MYT1L: variants seen among roughly 807,000 people sequenced by gnomAD.
MYT1L encodes the protein myelin transcription factor 1 like.
In MYT1L, 12 loss-of-function variants were observed where a neutral mutation model predicts 126.7. The observed-to-expected ratio is 0.09, with a 90% CI of 0.06 to 0.15. The LOEUF (loss-of-function observed/expected upper bound fraction) is 0.15, where lower values mean the gene tolerates loss of function less well. Among genes scored for constraint, MYT1L ranks in the 10% least tolerant of loss-of-function variants. MYT1L has a pLI of 1.00. For missense variants in MYT1L, 979 were observed against 1,585.2 expected (o/e 0.62, Z 6.49); for synonymous variants, 541 against 604.2 (o/e 0.90, Z 1.53).
chr2:1,811,367 A>ATCAGCTCTG lies in MYT1L; in HGVS notation c.3081-2201_3081-2200insCAGAGCTGA, dbSNP rs1558624180. The ATCAGCTCTG allele has an allele frequency of 1.7e-3, 108 of 62,880 alleles. No homozygotes were observed. Among genetic ancestry groups the ATCAGCTCTG allele is most frequent in the African/African-American group, 6.1e-3 (103 of 16,766 alleles). 3.9% of individuals were successfully genotyped at this position (62,880 alleles called of 1,614,324 possible). A position where few individuals can be genotyped will look rare whatever the true frequency, so the allele number is the denominator to read the frequency against. On this transcript the variant is annotated intron_variant, in intron 21 of 24. Coordinates refer to ENST00000647738, the MANE Select transcript of MYT1L (RefSeq NM_001303052.2). This position sits in a 1 kb window ranked among gnomAD's most constrained non-coding sequence, Gnocchi z 4.4. Reference sequence around the variant, plus strand: ...CTTTAACCCCAGCGTCATCAGCTCCAGCATCATCAGCTCTGGCGTCATCAG... The same window carrying ATCAGCTCTG: ...CTTTAACCCCAGCGTCATCAGCTCCATCAGCTCTGGCATCATCAGCTCTGGCGTCATCAG...
chr2:2,245,218 G>A (rs1047058297), intron 2 of MYT1L, among the ~76,000 whole-genome samples: 10 of 152,080 alleles, frequency 6.6e-5, no homozygotes, highest in African/African-American at 1.9e-4. Context: ...AGTATGGGTC[G>A]GAATTATGGT....
At chr2:2,002,573 C>T (rs887461722) in intron 4 of MYT1L, among the ~76,000 whole-genome samples, 5 of 152,290 alleles carry the variant, frequency 3.3e-5, no homozygotes, top group Non-Finnish European at 7.4e-5. Flanking sequence ...GTGGACCAAG[C>T]ATTATACTAA....
At chr2:2,247,676 A>T (rs993077977) in intron 2 of MYT1L, among the ~76,000 whole-genome samples, 1 of 152,232 alleles carries the variant, frequency 6.6e-6, no homozygotes, top group Non-Finnish European at 1.5e-5. Flanking sequence ...AATATCAAGC[A>T]TCTTCTCTGA....
chr2:2,165,260 C>A (rs1241363592), intron 3 of MYT1L, among the ~76,000 whole-genome samples: 1 of 151,966 alleles, frequency 6.6e-6, no homozygotes, highest in African/African-American at 2.4e-5. Context: ...ATATTAGACA[C>A]CAAGTACGGG....
chr2:1,892,446 C>A (rs2049016789), intron 14 of MYT1L, among the ~76,000 whole-genome samples, 159 bp from the exon 15 acceptor site: 1 of 151,982 alleles, frequency 6.6e-6, no homozygotes, highest in African/African-American at 2.4e-5. Context: ...AAACAACAGG[C>A]AAACGAAAAC....
In MYT1L at chr2:1,892,074, T is replaced by A; in HGVS notation, c.2246A>T (p.Asn749Ile). The A allele has an allele frequency of 6.5e-7, 1 of 1,541,008 alleles. No individual in the cohort carries two copies. The highest frequency in any genetic ancestry group is 8.7e-7 in the Non-Finnish European group (1 of 1,146,044). ...CAGGTCCTGCGGCTTGGTGCTCAGG[T>A]TCTGCGGCATCTCGCGGCAGCGCGT... ...LSTRCREMPQ[N>I]LSTKPQDLCA... Residue 749 changes from asparagine to isoleucine, a missense_variant, in exon 15 of 25, where the codon AAC becomes ATC. By Grantham distance (149) the Asn-to-Ile change is moderately radical. Around this residue, in one of 12 missense-constraint regions of MYT1L, gnomAD observed 28 missense variants for 66.6 expected, o/e 0.42. Transcript: ENST00000647738.
At chr2:2,122,056 G>C (rs1056172319) in intron 3 of MYT1L, among the ~76,000 whole-genome samples, 1 of 152,198 alleles carries the variant, frequency 6.6e-6, no homozygotes, top group Non-Finnish European at 1.5e-5. Context: ...CAGCAGGGCG[G>C]CACCGTCATC....
rs1292839122 is a variant in MYT1L at position 2,331,156 on chromosome 2, C to T, written c.-710G>A. 6.6e-6 allele frequency: 1 copy of T among 151,844 alleles called. No individual in the cohort carries two copies. Among genetic ancestry groups the T allele is most frequent in the Non-Finnish European group, 1.5e-5 (1 of 67,968 alleles). The allele number at this position is 151,844 out of a possible 1,614,324, so 9.4% of individuals were successfully genotyped here. A position where few individuals can be genotyped will look rare whatever the true frequency, so the allele number is the denominator to read the frequency against. On this transcript the variant is annotated 5_prime_UTR_variant, in exon 1 of 25. Transcript: ENST00000647738. ...CTTCAGTGAGTATGGATATCATAAC[C>T]CATAGTCCAGGGAATGAAAAAATTA...
intron 14 of MYT1L, among the ~76,000 whole-genome samples, chr2:1,902,388 C>T (rs1051949956): frequency 2.0e-5 from 3 of 152,226 alleles, no homozygotes; most frequent in Admixed American, 1.3e-4. Context: ...GCCGGCAGCA[C>T]CCCAGGCTGG....
chr2:1,984,072 G>A (rs2060819121), intron 5 of MYT1L, among the ~76,000 whole-genome samples: 2 of 152,186 alleles, frequency 1.3e-5, no homozygotes, highest in African/African-American at 2.4e-5. Context: ...GATTCATGAA[G>A]AGAGAGCAGG....
At chr2:1,870,718 A>G (rs1336451794) in intron 18 of MYT1L, among the ~76,000 whole-genome samples, 1 of 152,230 alleles carries the variant, frequency 6.6e-6, no homozygotes, top group Non-Finnish European at 1.5e-5. Context: ...GTCAGAGCCT[A>G]TGGCACACTG....
chr2:2,000,722 G>C (rs2062283426), intron 4 of MYT1L, among the ~76,000 whole-genome samples: 1 of 152,144 alleles, frequency 6.6e-6, no homozygotes, highest in Non-Finnish European at 1.5e-5. Flanking sequence ...TGTGGACACA[G>C]AGCCCCAGGC....
At chr2:2,074,022 A>G (rs1350171214) in intron 3 of MYT1L, among the ~76,000 whole-genome samples, 1 of 152,192 alleles carries the variant, frequency 6.6e-6, no homozygotes, top group Non-Finnish European at 1.5e-5. Context: ...TTCTCCATGC[A>G]AGGCACAAGG....
chr2:2,057,226 T>C (rs2069701954), intron 3 of MYT1L, among the ~76,000 whole-genome samples: 1 of 152,156 alleles, frequency 6.6e-6, no homozygotes, highest in African/African-American at 2.4e-5. Context: ...CTGTGTCCTT[T>C]TATAGCCCCG....
In MYT1L at chr2:1,908,890, G is replaced by C. The variant is rs575072569; in HGVS notation, c.1817+1350C>G. Among the ~76,000 whole-genome samples, 21 of 152,368 alleles carry C rather than the reference G, an allele frequency of 1.4e-4. No individual in the cohort carries two copies. In the South Asian group the frequency reaches 3.1e-3, roughly 23 times the overall value. ...TAGCTGTGCCACAATTTATTGAGGA[G>C]TTATCTCTTGATAGTAGGGTCATAG... On this transcript the variant is annotated intron_variant, in intron 13 of 24. Coordinates refer to ENST00000647738, the MANE Select transcript of MYT1L (RefSeq NM_001303052.2).
chr2:2,209,963 C>T (rs2093446336), intron 2 of MYT1L, among the ~76,000 whole-genome samples: 1 of 152,144 alleles, frequency 6.6e-6, no homozygotes. Flanking sequence ...TTATTGCCTT[C>T]CTTTTGGATA....
At chr2:1,792,921 G>GTCA (rs2032489910) in intron 23 of MYT1L, among the ~76,000 whole-genome samples, 1 of 148,646 alleles carries the variant, frequency 6.7e-6, no homozygotes, top group Non-Finnish European at 1.5e-5. Flanking sequence ...GTGATAGCTT[G>GTCA]TCATTGAAGG....
At chr2:2,250,914 A>G (rs1181949304) in intron 2 of MYT1L, among the ~76,000 whole-genome samples, 3 of 152,122 alleles carry the variant, frequency 2.0e-5, no homozygotes, top group African/African-American at 4.8e-5. Context: ...ATAAAGAAAA[A>G]AATTAATTAT....
intron 14 of MYT1L, among the ~76,000 whole-genome samples, chr2:1,892,846 C>T (rs1024633995): frequency 5.3e-5 from 8 of 152,198 alleles, no homozygotes; most frequent in Admixed American, 5.2e-4. Context: ...GTGGGGACCA[C>T]GTGCTTTGGG....
Sources: allele counts gnomAD v4.1 joint callset (sites outside exome capture counted in the v4.1 genomes callset), GRCh38; gene constraint gnomAD v4.1.1; regional missense constraint gnomAD v4.1.1; non-coding constraint Gnocchi (gnomAD v3.1); transcripts MANE v1.5; gene names NCBI Gene and HGNC (gene_info 2026-07-23, HGNC 2026-07-21).